The following CADPS variants were observed in gnomAD, a reference collection of about 807,000 sequenced individuals.
CADPS encodes calcium dependent secretion activator, also known as calcium-dependent secretion activator 1.
Under a neutral mutation model 167.3 loss-of-function variants are expected in CADPS, and 57 were observed. That is an observed-to-expected ratio of 0.34 (90% CI 0.28 to 0.42). The LOEUF is 0.42. Among genes scored for constraint, CADPS ranks in the 20% least tolerant of loss-of-function variants. The pLI, the probability that CADPS is intolerant of heterozygous loss-of-function variation, is 1.00. For missense variants in CADPS, 1,414 were observed against 1,738.1 expected, an observed-to-expected ratio of 0.81 and a Z score of 3.32; for synonymous variants, 676 against 635.3, an observed-to-expected ratio of 1.06 and a Z score of -0.96.
chr3:62,783,024 T>A (rs1041987318), intron 1 of CADPS, among the ~76,000 whole-genome samples: 1 of 152,176 alleles, frequency 6.6e-6, no homozygotes, highest in Non-Finnish European at 1.5e-5. Context: ...CTTCCGAAAG[T>A]GCTGGGATTA....
intron 1 of CADPS, among the ~76,000 whole-genome samples, chr3:62,854,932 T>C (rs939193130): frequency 1.3e-5 from 2 of 151,990 alleles, no homozygotes; most frequent in Non-Finnish European, 2.9e-5. Flanking sequence ...CTGAGATGTG[T>C]TATTTATTTT....
intron 11 of CADPS, among the ~76,000 whole-genome samples, chr3:62,541,387 A>T (rs1191742247): frequency 1.3e-5 from 2 of 152,174 alleles, no homozygotes; most frequent in African/African-American, 2.4e-5. Flanking sequence ...AGGATTTTTC[A>T]GTCCTTTATG....
intron 6 of CADPS, among the ~76,000 whole-genome samples, chr3:62,610,183 T>C (rs1009834443): frequency 3.9e-5 from 6 of 152,054 alleles, no homozygotes; most frequent in African/African-American, 1.4e-4. Context: ...TTTTCTTTTT[T>C]TCCTTCCTTT....
intron 6 of CADPS, among the ~76,000 whole-genome samples, chr3:62,594,178 T>TTTG (rs2086749453): frequency 1.3e-5 from 2 of 150,252 alleles, no homozygotes; most frequent in Admixed American, 1.3e-4. Flanking sequence ...TATTTATTTT[T>TTTG]TGAGACAGAG....
chr3:62,790,273 G>A (rs914948388), intron 1 of CADPS, among the ~76,000 whole-genome samples: 4 of 151,988 alleles, frequency 2.6e-5, no homozygotes, highest in Non-Finnish European at 5.9e-5. Flanking sequence ...CTGAATAACT[G>A]GATTGTGGGT....
At chr3:62,411,215 T>C (rs1423689311) in intron 28 of CADPS, among the ~76,000 whole-genome samples, 1 of 152,178 alleles carries the variant, frequency 6.6e-6, no homozygotes, top group African/African-American at 2.4e-5. Context: ...CCAATCGGTG[T>C]TTTTGAACTG....
chr3:62,848,067 TA>T (rs1354368836), intron 1 of CADPS, among the ~76,000 whole-genome samples: 1 of 133,576 alleles, frequency 7.5e-6, no homozygotes, highest in African/African-American at 3.2e-5. Flanking sequence ...TTTGGCTGCA[TA>T]AATGTCTTCT....
chr3:62,431,167 G>A (rs2053857477), intron 28 of CADPS, among the ~76,000 whole-genome samples: 1 of 152,154 alleles, frequency 6.6e-6, no homozygotes, highest in South Asian at 2.1e-4. Context: ...GAAAATCCCG[G>A]TAGAATTAAC....
chr3:62,824,198 G>C (rs530074953), intron 1 of CADPS, among the ~76,000 whole-genome samples: 361 of 149,648 alleles, frequency 2.4e-3, no homozygotes, highest in Non-Finnish European at 3.9e-3. Context: ...AAGAAAGAAA[G>C]AAAGAAAAAG....
rs1244762012 is a variant in CADPS at position 62,544,629 on chromosome 3, A to G, written c.1966+5274T>C. Among the ~76,000 whole-genome samples, 1 of 152,182 alleles carries G rather than the reference A, an allele frequency of 6.6e-6. No individual in the cohort carries two copies. The highest frequency in any genetic ancestry group is 1.9e-4 in the East Asian group (1 of 5,192). Reference sequence around the variant, plus strand: ...ACTCAGAGGATCATTTGATGCCAATATGAAAGCCAAGGAGAGGAGGCAATT... The same window carrying G: ...ACTCAGAGGATCATTTGATGCCAATGTGAAAGCCAAGGAGAGGAGGCAATT... On this transcript the variant is annotated intron_variant, in intron 11 of 29. Transcript: ENST00000383710. The surrounding 1 kb of genome is among the most constrained non-coding windows in gnomAD (Gnocchi z 4.4).
intron 13 of CADPS, among the ~76,000 whole-genome samples, chr3:62,528,448 T>C (rs2072845799): frequency 6.6e-6 from 1 of 152,236 alleles, no homozygotes; most frequent in South Asian, 2.1e-4. Flanking sequence ...AATTATTAAA[T>C]GGTAGTGATT....
intron 3 of CADPS, among the ~76,000 whole-genome samples, chr3:62,718,607 G>A (rs903790927): frequency 3.3e-5 from 5 of 152,208 alleles, no homozygotes; most frequent in Non-Finnish European, 2.9e-5. Flanking sequence ...GTGTAGACAT[G>A]AGACTGGGGT....
At chr3:62,631,625 T>C (rs2065288513) in intron 6 of CADPS, among the ~76,000 whole-genome samples, 2 of 152,208 alleles carry the variant, frequency 1.3e-5, no homozygotes, top group African/African-American at 4.8e-5. Flanking sequence ...CTCTGCTGTT[T>C]ATACAATAAC....
At chr3:62,442,578 T>C (rs1033247722) in intron 27 of CADPS, among the ~76,000 whole-genome samples, 1 of 152,184 alleles carries the variant, frequency 6.6e-6, no homozygotes, top group Non-Finnish European at 1.5e-5. Context: ...TTGTAGTGTT[T>C]ACCAATTTGC....
intron 6 of CADPS, among the ~76,000 whole-genome samples, chr3:62,614,136 G>T (rs1451016024): frequency 2.0e-5 from 3 of 152,104 alleles, no homozygotes; most frequent in African/African-American, 4.8e-5. Context: ...TATTTATTGA[G>T]CACTTACTAT....
In CADPS at chr3:62,549,951, C is replaced by G. The variant is rs142524771; in HGVS notation, c.1918G>C (p.Ala640Pro). 1 of 1,613,944 alleles carries G rather than the reference C, an allele frequency of 6.2e-7. No individual in the cohort carries two copies. The highest frequency in any genetic ancestry group is 1.3e-5 in the African/African-American group (1 of 74,886). Residue 640 changes from alanine (A) to proline (P), a missense_variant, in exon 11 of 30, where the codon GCC becomes CCC. Ala to Pro is a conservative substitution (Grantham distance 27). Around this residue, in one of 6 missense-constraint regions of CADPS, gnomAD observed 529 missense variants for 629.6 expected, o/e 0.84. Coordinates refer to ENST00000383710, the MANE Select transcript of CADPS (RefSeq NM_003716.4). ...VPPTQVQKLN[A>P]KGGNVPQLDA... ...AGCTGAGGTACATTTCCTCCCTTGG[C>G]GTTGAGTTTCTGGACTTGGGTCGGG...
intron 8 of CADPS, among the ~76,000 whole-genome samples, chr3:62,584,570 T>C (rs2084163953): frequency 6.6e-6 from 1 of 152,242 alleles, no homozygotes; most frequent in South Asian, 2.1e-4. Context: ...GCTCAGCATA[T>C]ACTCAGTCAC....
chr3:62,566,709 A>G (rs1472828230), intron 9 of CADPS, among the ~76,000 whole-genome samples: 2 of 152,170 alleles, frequency 1.3e-5, no homozygotes, highest in African/African-American at 4.8e-5. Context: ...CTGAGTTGTC[A>G]TCCTGGCTCC....
chr3:62,855,109 T>A (rs2079422124), intron 1 of CADPS, among the ~76,000 whole-genome samples: 1 of 144,452 alleles, frequency 6.9e-6, no homozygotes, highest in Admixed American at 7.0e-5. Flanking sequence ...TTTTTTTTTT[T>A]GTCTTTTAGT....
Sources: allele counts gnomAD v4.1 joint callset (sites outside exome capture counted in the v4.1 genomes callset), GRCh38; gene constraint gnomAD v4.1.1; regional missense constraint gnomAD v4.1.1; non-coding constraint Gnocchi (gnomAD v3.1); transcripts MANE v1.5; gene names NCBI Gene and HGNC (gene_info 2026-07-23, HGNC 2026-07-21).